Variants in TSPEAR observed in about 807,000 individuals in gnomAD.
TSPEAR encodes the protein thrombospondin type laminin G domain and EAR repeats, also known as thrombospondin-type laminin G domain and EAR repeat-containing protein.
TSPEAR carries 69 observed loss-of-function variants against 71.6 expected under a neutral mutation model. The ratio of observed to expected loss-of-function variants is 0.96; its 90% CI spans 0.79 to 1.18. The LOEUF (loss-of-function observed/expected upper bound fraction) is 1.18. TSPEAR is among the 50% of genes most tolerant of loss of function. The pLI, the probability that TSPEAR is intolerant of heterozygous loss-of-function variation, is 0.00. For synonymous variants in TSPEAR, 402 were observed against 387.2 expected (o/e 1.04, Z -0.45); for missense variants, 971 against 894.9 (o/e 1.09, Z -1.09).
chr21:44,592,542 G>T lies in TSPEAR; in HGVS notation c.83-24537C>A, dbSNP rs370234368. 4 of 1,554,004 alleles carry T rather than the reference G, an allele frequency of 2.6e-6. No individual in the cohort carries two copies. The East Asian group carries it at 6.8e-5, about 26-fold the overall frequency. On this transcript the variant is annotated intron_variant, in intron 1 of 11. Coordinates refer to ENST00000323084, the MANE Select transcript of TSPEAR (RefSeq NM_144991.3). ...GAGCCTGTGAGGTGCTGAGGCTCTC[G>T]GGCTTTTATTCCACCTGGCCTTGTT... is the stretch of plus-strand genomic sequence containing the variant.
intron 1 of TSPEAR, chr21:44,646,907 T>C: frequency 6.2e-7 from 1 of 1,612,950 alleles, no homozygotes; most frequent in Non-Finnish European, 8.5e-7. Flanking sequence ...TGTGTGCCCG[T>C]CTGCTGCAAG....
rs991001855 is a variant in TSPEAR at position 44,661,203 on chromosome 21, G to A, written c.82+50230C>T. The stretch of plus-strand genomic sequence containing the variant: ...GCAGGAGAATGGCGTGAACCCCAGA[G>A]GCGGAGGCGGAGCCTGCAGTGAGCC... On this transcript the variant is annotated intron_variant, in intron 1 of 11. Transcript: ENST00000323084. Among the ~76,000 whole-genome samples, 15 of 149,190 alleles carry A rather than the reference G, an allele frequency of 1.0e-4. No individual in the cohort carries two copies. The East Asian group carries it at 3.0e-3, about 30-fold the overall frequency.
At chr21:44,521,824 G>A (rs1210799482) in intron 9 of TSPEAR, 59 bp downstream of exon 9, 28 of 1,474,324 alleles carry the variant, frequency 1.9e-5, no homozygotes, top group South Asian at 4.6e-5. Context: ...TCCAGCAGGT[G>A]CAGGTGACAG....
intron 1 of TSPEAR, among the ~76,000 whole-genome samples, chr21:44,582,970 GCA>G (rs1979097426): frequency 6.7e-6 from 1 of 148,778 alleles, no homozygotes; most frequent in Non-Finnish European, 1.5e-5. Flanking sequence ...TTACAGGTGT[GCA>G]CCACCACATC....
At chr21:44,499,999 G>T in intron 11 of TSPEAR, 63 bp from the exon 12 acceptor site, 3 of 1,497,288 alleles carry the variant, frequency 2.0e-6, no homozygotes, top group Non-Finnish European at 2.7e-6. Context: ...CTCTCCCCCG[G>T]CTCCCACCCG....
At chr21:44,665,496 T>C (rs74906001) in intron 1 of TSPEAR, among the ~76,000 whole-genome samples, 2,929 of 152,336 alleles carry the variant, frequency 0.019, 41 homozygotes, top group Non-Finnish European at 0.028. Flanking sequence ...CCAGATTACA[T>C]TCTGAATAAT....
intron 1 of TSPEAR, among the ~76,000 whole-genome samples, chr21:44,706,410 TGCACACACACGCGC>T (rs1165256127): frequency 3.3e-5 from 5 of 149,722 alleles, no homozygotes; most frequent in African/African-American, 7.4e-5. Context: ...CACGCACCCA[TGCACACACACGCGC>T]GCACACACCC....
chr21:44,642,905 TTC>T lies in TSPEAR; in HGVS notation c.82+68526_82+68527del, dbSNP rs1364392871. ...ACTACCATGTGATGAGCAATCCCAC[TTC>T]TGTGTATTTAAACAAGACAAATTAA... On this transcript the variant is annotated intron_variant, in intron 1 of 11. Coordinates refer to ENST00000323084, the MANE Select transcript of TSPEAR (RefSeq NM_144991.3). The surrounding 1 kb of genome is among the most constrained non-coding windows in gnomAD (Gnocchi z 4.1). Among the ~76,000 whole-genome samples the T allele has an allele frequency of 6.6e-6, 1 of 152,184 alleles. No homozygotes were observed. The highest frequency in any genetic ancestry group is 1.5e-5 in the Non-Finnish European group (1 of 68,032).
intron 1 of TSPEAR, chr21:44,676,225 T>A (rs782470358): frequency 1.2e-4 from 164 of 1,331,698 alleles, no homozygotes; most frequent in Non-Finnish European, 1.7e-4. Flanking sequence ...GGCCAGTTTT[T>A]GAACAGCATA....
intron 1 of TSPEAR, among the ~76,000 whole-genome samples, chr21:44,672,585 GA>G (rs1555946214): frequency 6.7e-6 from 1 of 148,970 alleles, no homozygotes; most frequent in Non-Finnish European, 1.5e-5. Context: ...AAAAAAAAAA[GA>G]AAACCTATTT....
At chr21:44,557,859 G>A (rs782197434) in intron 2 of TSPEAR, 29 of 688,218 alleles carry the variant, frequency 4.2e-5, no homozygotes, top group African/African-American at 2.2e-4. Flanking sequence ...AGTGACCACC[G>A]GCTGGCCAGC....
In TSPEAR at chr21:44,580,595, C is replaced by G. The variant is rs5017207; in HGVS notation, c.83-12590G>C. 7.1e-3 allele frequency: 11,310 copies of G among 1,598,036 alleles called. 455 individuals are homozygous for G. In the African/African-American group the frequency reaches 0.099, roughly 14 times the overall value. On this transcript the variant is annotated intron_variant, in intron 1 of 11. Coordinates refer to ENST00000323084, the MANE Select transcript of TSPEAR (RefSeq NM_144991.3). The stretch of plus-strand genomic sequence containing the variant: ...CGCGGCCATGCTGGGGTGGGGAAGA[C>G]GTGAGCTGGGAGCTGGGGGAGGTGT...
chr21:44,594,108 C>T (rs1009518702), intron 1 of TSPEAR, among the ~76,000 whole-genome samples: 8 of 152,082 alleles, frequency 5.3e-5, no homozygotes, highest in Non-Finnish European at 7.3e-5. Flanking sequence ...TCAAGTGGTC[C>T]GTATTCAGAA....
intron 1 of TSPEAR, chr21:44,702,320 G>A: frequency 6.2e-7 from 1 of 1,609,842 alleles, no homozygotes; most frequent in East Asian, 2.2e-5. Flanking sequence ...CCGGCCCCCT[G>A]CCTGACCCTG....
intron 4 of TSPEAR, among the ~76,000 whole-genome samples, chr21:44,530,688 C>T (rs1409169747): frequency 1.3e-5 from 2 of 152,232 alleles, no homozygotes; most frequent in African/African-American, 4.8e-5. Context: ...CCCACTCACA[C>T]GTGAGTGGAG....
rs371851719 is a variant in TSPEAR, at chr21:44,694,814, C to T, written c.82+16619G>A. Among the ~76,000 whole-genome samples, 3 of 152,080 alleles carry T rather than the reference C, an allele frequency of 2.0e-5. No individual in the cohort carries two copies. In the East Asian group the frequency reaches 5.8e-4, roughly 29 times the overall value. On this transcript the variant is annotated intron_variant, in intron 1 of 11. Coordinates refer to ENST00000323084, the MANE Select transcript of TSPEAR (RefSeq NM_144991.3). ...TCTCAGAAAAGTGGCTCGAGTAGCTCGTGGAGGAAGTGGGGAGAAGGCGGC... is the reference window on the plus strand; with the variant it reads ...TCTCAGAAAAGTGGCTCGAGTAGCTTGTGGAGGAAGTGGGGAGAAGGCGGC...
intron 1 of TSPEAR, among the ~76,000 whole-genome samples, chr21:44,650,707 C>G (rs12626215): frequency 0.49 from 74,889 of 152,166 alleles, 18,762 homozygotes; most frequent in East Asian, 0.6. Flanking sequence ...ACAGCAGCCC[C>G]CGGATGTCAA....
intron 1 of TSPEAR, chr21:44,647,471 C>A (rs185275163): frequency 2.4e-6 from 3 of 1,240,350 alleles, no homozygotes; most frequent in Admixed American, 5.2e-5. Flanking sequence ...CACAGAGCTG[C>A]TGCCTGAAGG....
At chr21:44,586,261 T>C (rs973230708) in intron 1 of TSPEAR, among the ~76,000 whole-genome samples, 6 of 152,248 alleles carry the variant, frequency 3.9e-5, no homozygotes, top group African/African-American at 1.4e-4. Flanking sequence ...TGCTTCTGCC[T>C]TTCTTTCTGT....
Sources: allele counts gnomAD v4.1 joint callset (sites outside exome capture counted in the v4.1 genomes callset), GRCh38; gene constraint gnomAD v4.1.1; non-coding constraint Gnocchi (gnomAD v3.1); transcripts MANE v1.5; gene names NCBI Gene and HGNC (gene_info 2026-07-23, HGNC 2026-07-21).